Variants in SMARCC1 observed in about 807,000 individuals in gnomAD.
The protein encoded by SMARCC1 is SWI/SNF complex subunit SMARCC1.
Under a neutral mutation model 147.4 loss-of-function variants are expected in SMARCC1, and 43 were observed. The ratio of observed to expected loss-of-function variants is 0.29; its 90% CI spans 0.23 to 0.38. The LOEUF is 0.38. Ranked by LOEUF, SMARCC1 falls within the 10% of genes least tolerant of loss-of-function variation. The pLI is 1.00. For synonymous variants in SMARCC1, 495 were observed against 484.4 expected (o/e 1.02, Z -0.29); for missense variants, 1,119 against 1,381.1 (o/e 0.81, Z 3.01).
At chr3:47,628,186 T>C (rs754952978) in intron 24 of SMARCC1, among the ~76,000 whole-genome samples, 11 of 152,206 alleles carry the variant, frequency 7.2e-5, no homozygotes, top group Non-Finnish European at 1.3e-4. Flanking sequence ...AGCCCCATGT[T>C]TGGACACTTA....
intron 3 of SMARCC1, among the ~76,000 whole-genome samples, chr3:47,740,864 A>C (rs898934210): frequency 1.6e-4 from 24 of 151,740 alleles, no homozygotes; most frequent in East Asian, 5.8e-4. Context: ...AAAAAAAAAA[A>C]AAAAACAAAA....
At chr3:47,653,801 T>C (rs1310548807) in intron 21 of SMARCC1, among the ~76,000 whole-genome samples, 2 of 152,220 alleles carry the variant, frequency 1.3e-5, no homozygotes, top group Non-Finnish European at 2.9e-5. Context: ...GTTGCTGCAA[T>C]TAGTGAGTAC....
intron 25 of SMARCC1, among the ~76,000 whole-genome samples, chr3:47,611,595 G>A (rs73083115): frequency 0.096 from 14,648 of 152,184 alleles, 993 homozygotes; most frequent in Non-Finnish European, 0.14. Context: ...AATAGGTTAG[G>A]GAAGTATAAC....
At chr3:47,771,428 A>G (rs886510168) in intron 2 of SMARCC1, among the ~76,000 whole-genome samples, 5 of 152,318 alleles carry the variant, frequency 3.3e-5, no homozygotes, top group Admixed American at 2.6e-4. Context: ...GTAAAATCAG[A>G]GTTCGAAAAT....
At chr3:47,605,199 T>C (rs977251847) in intron 26 of SMARCC1, among the ~76,000 whole-genome samples, 1 of 152,164 alleles carries the variant, frequency 6.6e-6, no homozygotes, top group African/African-American at 2.4e-5. Flanking sequence ...CATATGCATA[T>C]CCTATGATCC....
chr3:47,702,087 C>CT (rs2033925190), intron 10 of SMARCC1, among the ~76,000 whole-genome samples: 1 of 151,966 alleles, frequency 6.6e-6, no homozygotes, highest in African/African-American at 2.4e-5. Context: ...TTTAATGGCC[C>CT]TTTTATCATC....
chr3:47,609,809 T>G (rs1052250065), intron 26 of SMARCC1, among the ~76,000 whole-genome samples: 3 of 152,226 alleles, frequency 2.0e-5, no homozygotes, highest in Non-Finnish European at 4.4e-5. Flanking sequence ...AGATAAATTC[T>G]GAATGAACTC....
intron 13 of SMARCC1, 100 bp downstream of exon 13, chr3:47,689,287 T>C (rs2033764395): frequency 2.1e-6 from 2 of 946,362 alleles, no homozygotes; most frequent in African/African-American, 1.6e-5. Flanking sequence ...AAGGGCTTCA[T>C]AGTCCAAAAA....
intron 21 of SMARCC1, among the ~76,000 whole-genome samples, chr3:47,647,457 T>C (rs540742355): frequency 6.6e-6 from 1 of 152,342 alleles, no homozygotes; most frequent in South Asian, 2.1e-4. Context: ...GTTAGGTGTA[T>C]TAAATGCATT....
intron 2 of SMARCC1, among the ~76,000 whole-genome samples, chr3:47,747,373 G>A (rs890154815): frequency 2.0e-5 from 3 of 148,430 alleles, no homozygotes; most frequent in Non-Finnish European, 1.5e-5. Context: ...GGAGGCAAAG[G>A]TTGCAGTGAG....
intron 2 of SMARCC1, among the ~76,000 whole-genome samples, chr3:47,747,770 G>A (rs960083804): frequency 6.6e-6 from 1 of 152,020 alleles, no homozygotes; most frequent in Admixed American, 6.6e-5. Context: ...GCCAGCTTGG[G>A]CAAGGAAGTG....
At chr3:47,718,312 G>A (rs1576420879) in intron 7 of SMARCC1, among the ~76,000 whole-genome samples, 1 of 151,974 alleles carries the variant, frequency 6.6e-6, no homozygotes. Context: ...AGGTGTGGTG[G>A]CATGCGCCTA....
intron 2 of SMARCC1, among the ~76,000 whole-genome samples, chr3:47,750,585 G>A (rs900872710): frequency 6.6e-6 from 1 of 152,068 alleles, no homozygotes; most frequent in Non-Finnish European, 1.5e-5. Flanking sequence ...AATCACTATT[G>A]CACTTCAGCA....
At chr3:47,694,162 A>G (rs1278257054) in intron 11 of SMARCC1, among the ~76,000 whole-genome samples, 1 of 152,194 alleles carries the variant, frequency 6.6e-6, no homozygotes. Context: ...AACCAGCCCT[A>G]CACTGATGGA....
intron 21 of SMARCC1, among the ~76,000 whole-genome samples, chr3:47,655,749 C>T (rs2033252933): frequency 6.6e-6 from 1 of 151,930 alleles, no homozygotes; most frequent in Non-Finnish European, 1.5e-5. Flanking sequence ...ATCACTGTAT[C>T]TAAAGCACAG....
At chr3:47,763,771 T>C (rs183573681) in intron 2 of SMARCC1, among the ~76,000 whole-genome samples, 1 of 151,946 alleles carries the variant, frequency 6.6e-6, no homozygotes. Flanking sequence ...TAGGCTGGAG[T>C]GCAGTGGCAT....
intron 1 of SMARCC1, among the ~76,000 whole-genome samples, chr3:47,781,090 T>A (rs1012255562): frequency 1.3e-5 from 2 of 152,326 alleles, no homozygotes; most frequent in South Asian, 4.1e-4. Context: ...AGAAGCACGA[T>A]GAGGTAGAAC....
chr3:47,662,637 G>C, intron 19 of SMARCC1, 45 bp from the exon 20 acceptor site: 1 of 1,532,252 alleles, frequency 6.5e-7, no homozygotes, highest in Non-Finnish European at 9.0e-7. Context: ...TAACAAGAAA[G>C]TAATGTGTAA....
Position 47,714,505 on chromosome 3 carries a change from A to C in SMARCC1, c.717-15T>G, listed in dbSNP as rs1171580032. On this transcript the variant is annotated splice_polypyrimidine_tract_variant and intron_variant, in intron 7 of 27. Transcript: ENST00000254480. The stretch of plus-strand genomic sequence containing the variant: ...AAGTATCATAGCTATAAAGGAATCA[A>C]AATGAGAAAAACAAATTAGAGTCAA... 3.8e-6 allele frequency: 5 copies of C among 1,323,120 alleles called. No individual in the cohort carries two copies. Among genetic ancestry groups the C allele is most frequent in the Non-Finnish European group, 5.3e-6 (5 of 941,804 alleles). 82.0% of individuals were successfully genotyped at this position (1,323,120 alleles called of 1,614,324 possible). A position where few individuals can be genotyped will look rare whatever the true frequency, so the allele number is the denominator to read the frequency against.
Sources: gnomAD v4.1 joint callset for allele counts (sites outside exome capture counted in the v4.1 genomes callset) on GRCh38, gnomAD v4.1.1 for gene constraint, MANE v1.5 for transcripts, NCBI Gene and HGNC (gene_info 2026-07-23, HGNC 2026-07-21) for gene names.